ZNF880: variants seen among roughly 807,000 people sequenced by gnomAD.
ZNF880 encodes the protein zinc finger protein LOC400713.
A neutral mutation model predicts 11.8 loss-of-function variants in ZNF880; 12 were observed. That is an observed-to-expected ratio of 1.02 (90% CI 0.65 to 1.65). The LOEUF is 1.65. ZNF880 is among the 40% of genes most tolerant of loss of function. ZNF880 has a pLI of 0.00. For missense variants in ZNF880, 601 were observed against 673.9 expected (o/e 0.89, Z 1.20); for synonymous variants, 210 against 232.4 (o/e 0.90, Z 0.88).
At chr19:52,370,268 A>G (rs573867620) in intron 1 of ZNF880, 5 of 458,782 alleles carry the variant, frequency 1.1e-5, no homozygotes, top group South Asian at 5.7e-5. Flanking sequence ...CGCGCTGCGT[A>G]AAGTTCTCAC....
At chr19:52,369,901 C>T, upstream of ZNF880, 2 of 1,550,790 alleles carry the variant, frequency 1.3e-6, no homozygotes, top group Non-Finnish European at 1.7e-6. Context: ...CTGGCCTCGC[C>T]TCGCCTCTCA....
intron 3 of ZNF880, among the ~76,000 whole-genome samples, chr19:52,376,796 G>A (rs1035198851): frequency 1.3e-5 from 2 of 152,100 alleles, no homozygotes; most frequent in African/African-American, 2.4e-5. Context: ...AGGGGTGAGA[G>A]ACTGTGCCCG....
At chr19:52,373,702 T>C (rs1447811060) in intron 2 of ZNF880, among the ~76,000 whole-genome samples, 2 of 124,354 alleles carry the variant, frequency 1.6e-5, no homozygotes, top group African/African-American at 6.5e-5. Context: ...TGAGACAGAG[T>C]CTCCCTGTGT....
In ZNF880 at chr19:52,374,415, G is replaced by C; in HGVS notation, c.256G>C (p.Gly86Arg). 1 of 1,612,084 alleles carries C rather than the reference G, an allele frequency of 6.2e-7. No individual in the cohort carries two copies. The highest frequency in any genetic ancestry group is 8.5e-7 in the Non-Finnish European group (1 of 1,179,078). ...TCCAGGTGGCAGGGAGTGCATCAAA[G>C]GTGTGAACGCAGGTAAGAGCTTGGA... ...NNPGGRECIK[G>R]VNAESSSKLG... The change falls in exon 3 of 4, where the codon GGT (glycine) becomes CGT (arginine). Residue 86 changes from glycine to arginine, a missense_variant. Transcript: ENST00000422689.
intron 3 of ZNF880, among the ~76,000 whole-genome samples, chr19:52,381,288 A>G (rs867152781): frequency 6.6e-5 from 10 of 152,250 alleles, no homozygotes; most frequent in Middle Eastern, 3.4e-3. Context: ...TGGTGTTTAT[A>G]TATTTATAAT....
At chr19:52,374,558 A>G in intron 3 of ZNF880, 131 bp downstream of exon 3, 2 of 1,121,606 alleles carry the variant, frequency 1.8e-6, no homozygotes, top group Middle Eastern at 1.9e-4. Context: ...CATAGCCTCA[A>G]ACTCCTGGTC....
In ZNF880 at chr19:52,381,293, T is replaced by C. The variant is rs1020244007; in HGVS notation, c.269-2556T>C. On this transcript the variant is annotated intron_variant, in intron 3 of 3. Coordinates refer to ENST00000422689, the MANE Select transcript of ZNF880 (RefSeq NM_001145434.2). ...CTCTGACACTTGGTGTTTATATATT[T>C]ATAATTGTTGTATCTTCTTGGTGAA... 1.2e-4 allele frequency among the ~76,000 whole-genome samples: 19 copies of C among 152,188 alleles called. 1 individual carries two copies. The highest frequency in any genetic ancestry group is 1.2e-3 in the Admixed American group (18 of 15,260).
At chr19:52,368,230 T>A (rs1986215119), upstream of ZNF880, among the ~76,000 whole-genome samples, 1 of 147,234 alleles carries the variant, frequency 6.8e-6, no homozygotes, top group Admixed American at 6.8e-5. Flanking sequence ...ATAATAATAC[T>A]GTAACACAAT....
intron 3 of ZNF880, chr19:52,379,550 C>A: frequency 2.5e-6 from 1 of 392,750 alleles, no homozygotes; most frequent in East Asian, 7.9e-5. Context: ...CGTGAGCCTC[C>A]GCGCCTGGCC....
chr19:52,370,036 C>G (rs1986316263), intron 1 of ZNF880, 59 bp downstream of exon 1: 1 of 1,548,132 alleles, frequency 6.5e-7, no homozygotes, highest in Non-Finnish European at 8.7e-7. Context: ...CGCTTCTGTA[C>G]CCGGCATCTC....
chr19:52,383,506 G>T (rs1426713720), intron 3 of ZNF880, among the ~76,000 whole-genome samples: 2 of 152,162 alleles, frequency 1.3e-5, no homozygotes, highest in East Asian at 3.8e-4. Flanking sequence ...TTCCTGGCGT[G>T]TGGAAGTACT....
At chr19:52,371,421 G>A (rs1986368955) in intron 1 of ZNF880, among the ~76,000 whole-genome samples, 1 of 151,958 alleles carries the variant, frequency 6.6e-6, no homozygotes, top group Admixed American at 6.6e-5. Context: ...TGTCACCCAG[G>A]CTGGAGTGCA....
chr19:52,367,109 T>TA (rs923809013), upstream of ZNF880: 41 of 127,032 alleles, frequency 3.2e-4, no homozygotes, highest in Non-Finnish European at 4.9e-4. Flanking sequence ...TAATAAAGTT[T>TA]AAAGTTTTTT....
chr19:52,378,904 C>G (rs1986629927), intron 3 of ZNF880, among the ~76,000 whole-genome samples: 1 of 151,912 alleles, frequency 6.6e-6, no homozygotes, highest in Non-Finnish European at 1.5e-5. Flanking sequence ...ATGGCAAGAA[C>G]TTGTCTCTAC....
chr19:52,391,513 A>AG, the ZNF880 span: 2 of 152,212 alleles, frequency 1.3e-5, no homozygotes, highest in African/African-American at 4.8e-5. Context: ...AAAAATAAAG[A>AG]GAAAAAAAAA....
intron 1 of ZNF880, 40 bp downstream of exon 1, chr19:52,370,017 G>C (rs1369103969): frequency 4.5e-6 from 7 of 1,551,466 alleles, no homozygotes; most frequent in Non-Finnish European, 6.1e-6. Flanking sequence ...GGGATGCTGA[G>C]TCCCCTCGCG....
In ZNF880 at chr19:52,374,282, TTTC is replaced by T; in HGVS notation, c.140-14_140-12del. Reference sequence around the variant, plus strand: ...GTTAGCCAGGATAGTCTTGATATTCTTTCTTTTTTTAAATAGGAATCTGTCTTC... The same window carrying T: ...GTTAGCCAGGATAGTCTTGATATTCTTTTTTTTAAATAGGAATCTGTCTTC... On this transcript the variant is annotated splice_polypyrimidine_tract_variant and intron_variant, in intron 2 of 3. Transcript: ENST00000422689. 6.2e-7 allele frequency: 1 copy of T among 1,608,618 alleles called. No individual in the cohort carries two copies. The highest frequency in any genetic ancestry group is 8.5e-7 in the Non-Finnish European group (1 of 1,177,194).
At chr19:52,377,013 A>G (rs1364706263) in intron 3 of ZNF880, among the ~76,000 whole-genome samples, 1 of 152,170 alleles carries the variant, frequency 6.6e-6, no homozygotes, top group Non-Finnish European at 1.5e-5. Flanking sequence ...ACACCCTGTC[A>G]TATGGCTTAT....
At chr19:52,370,238 A>G (rs1986323729) in intron 1 of ZNF880, 1 of 543,858 alleles carries the variant, frequency 1.8e-6, no homozygotes, top group Non-Finnish European at 3.3e-6. Context: ...CAAATCCTTC[A>G]GTGACCCCTA....
Sources: gnomAD v4.1 joint callset for allele counts (sites outside exome capture counted in the v4.1 genomes callset) on GRCh38, gnomAD v4.1.1 for gene constraint, MANE v1.5 for transcripts, NCBI Gene and HGNC (gene_info 2026-07-23, HGNC 2026-07-21) for gene names.